RBMS3: variants seen among roughly 807,000 people sequenced by gnomAD.
The protein encoded by RBMS3 is RNA-binding motif, single-stranded-interacting protein 3.
Under a neutral mutation model 66.8 loss-of-function variants are expected in RBMS3, and 27 were observed. That is an observed-to-expected ratio of 0.40 (90% CI 0.30 to 0.56). The LOEUF is 0.56. RBMS3 is among the 20% of genes least tolerant of loss of function. RBMS3 has a pLI of 0.40. For synonymous variants in RBMS3, 188 were observed against 183.0 expected, an observed-to-expected ratio of 1.03 and a Z score of -0.22; for missense variants, 513 against 549.5, an observed-to-expected ratio of 0.93 and a Z score of 0.66.
chr3:29,656,521 A>G (rs141838976), intron 4 of RBMS3, among the ~76,000 whole-genome samples: 1 of 152,212 alleles, frequency 6.6e-6, no homozygotes, highest in Admixed American at 6.5e-5. Context: ...TTACCTAATG[A>G]TGCATGTGTT....
intron 6 of RBMS3, among the ~76,000 whole-genome samples, chr3:29,789,300 T>A (rs2056925457): frequency 6.6e-6 from 1 of 152,108 alleles, no homozygotes. Flanking sequence ...ATAATGCCCA[T>A]ACTGAGAATA....
intron 1 of RBMS3, among the ~76,000 whole-genome samples, chr3:29,409,927 T>C (rs2040192544): frequency 1.3e-5 from 2 of 152,154 alleles, no homozygotes; most frequent in African/African-American, 4.8e-5. Flanking sequence ...TGTTATTGGA[T>C]TGCAGAAAAG....
intron 3 of RBMS3, among the ~76,000 whole-genome samples, chr3:29,547,708 T>A (rs1257681805): frequency 6.6e-6 from 1 of 152,128 alleles, no homozygotes; most frequent in Non-Finnish European, 1.5e-5. Context: ...ACTTTTCATT[T>A]CTTAGTCCAA....
intron 1 of RBMS3, among the ~76,000 whole-genome samples, chr3:29,358,664 C>A (rs868106498): frequency 6.6e-6 from 1 of 152,272 alleles, no homozygotes; most frequent in African/African-American, 2.4e-5. Context: ...GATATTGATT[C>A]TTCCTATCCA....
chr3:29,696,898 A>T, intron 4 of RBMS3: 1 of 938,736 alleles, frequency 1.1e-6, no homozygotes, highest in Non-Finnish European at 1.3e-6. Context: ...TTATACACCA[A>T]CCCCTGATTG....
At chr3:29,784,844 G>A (rs2056766002) in intron 6 of RBMS3, among the ~76,000 whole-genome samples, 3 of 151,896 alleles carry the variant, frequency 2.0e-5, no homozygotes, top group African/African-American at 7.3e-5. Context: ...GAAACAAAAT[G>A]GGAGATATTA....
intron 4 of RBMS3, among the ~76,000 whole-genome samples, chr3:29,700,154 T>C (rs2052490670): frequency 6.6e-6 from 1 of 152,236 alleles, no homozygotes; most frequent in Non-Finnish European, 1.5e-5. Context: ...TCCTTTTTTC[T>C]GAATCCTTTG....
At chr3:29,914,147 T>C (rs990488563) in intron 10 of RBMS3, among the ~76,000 whole-genome samples, 9 of 151,910 alleles carry the variant, frequency 5.9e-5, no homozygotes. Context: ...GACTGAACAC[T>C]GTTGAGATTT....
chr3:29,423,927 G>A (rs747699933), intron 1 of RBMS3, among the ~76,000 whole-genome samples: 21 of 152,064 alleles, frequency 1.4e-4, no homozygotes, highest in Non-Finnish European at 2.8e-4. Flanking sequence ...TTGAAAAGTC[G>A]TTTAACCTCC....
chr3:29,647,829 AAGAGT>A (rs1427474331), intron 4 of RBMS3, among the ~76,000 whole-genome samples: 11 of 152,238 alleles, frequency 7.2e-5, no homozygotes, highest in Non-Finnish European at 7.3e-5. Context: ...AAAAGTTATT[AAGAGT>A]ATTTTTAAAA....
chr3:29,572,889 G>T (rs757137445), intron 3 of RBMS3, among the ~76,000 whole-genome samples: 1 of 151,972 alleles, frequency 6.6e-6, no homozygotes, highest in Non-Finnish European at 1.5e-5. Flanking sequence ...GAATCTGTTG[G>T]GTCCTGGGTT....
At chr3:29,912,390 T>C (rs571944577) in intron 10 of RBMS3, among the ~76,000 whole-genome samples, 18 of 152,196 alleles carry the variant, frequency 1.2e-4, no homozygotes, top group African/African-American at 4.3e-4. Context: ...ACCCAACTTA[T>C]TAGGGAAAAT....
chr3:29,405,183 G>A (rs1304849053), intron 1 of RBMS3, among the ~76,000 whole-genome samples: 1 of 152,104 alleles, frequency 6.6e-6, no homozygotes, highest in Non-Finnish European at 1.5e-5. Flanking sequence ...GTCAGGTGTT[G>A]TTCATGAATA....
At chr3:29,778,714 A>G (rs2056513152) in intron 6 of RBMS3, among the ~76,000 whole-genome samples, 1 of 151,788 alleles carries the variant, frequency 6.6e-6, no homozygotes, top group Admixed American at 6.6e-5. Flanking sequence ...TTGTTCCTCA[A>G]TTTCCCCTTT....
At chr3:29,617,760 T>C (rs1305835306) in intron 4 of RBMS3, among the ~76,000 whole-genome samples, 2 of 152,232 alleles carry the variant, frequency 1.3e-5, no homozygotes, top group African/African-American at 4.8e-5. Flanking sequence ...TCTAAACTCT[T>C]CCAGCTCTAA....
intron 14 of RBMS3, among the ~76,000 whole-genome samples, chr3:30,001,868 T>TA (rs1451164546): frequency 1.3e-5 from 2 of 151,686 alleles, no homozygotes; most frequent in Non-Finnish European, 2.9e-5. Context: ...GATCCCAGCC[T>TA]AAAAAAAATT....
At chr3:29,859,766 T>A (rs2059167307) in intron 6 of RBMS3, among the ~76,000 whole-genome samples, 1 of 152,214 alleles carries the variant, frequency 6.6e-6, no homozygotes, top group Admixed American at 6.5e-5. Flanking sequence ...CTCCAAAATA[T>A]AATAATTCTG....
chr3:29,841,943 T>G (rs1472841640), intron 6 of RBMS3, among the ~76,000 whole-genome samples: 2 of 152,076 alleles, frequency 1.3e-5, no homozygotes, highest in Admixed American at 1.3e-4. Flanking sequence ...GAGAAGACCT[T>G]AGTAATTACT....
chr3:29,950,426 C>CTAAT (rs1695606028), intron 12 of RBMS3, among the ~76,000 whole-genome samples: 1 of 151,840 alleles, frequency 6.6e-6, no homozygotes. Context: ...TTAAAGTAAG[C>CTAAT]TAATTGCGTG....
Sources: gnomAD v4.1 joint callset for allele counts (sites outside exome capture counted in the v4.1 genomes callset) on GRCh38, gnomAD v4.1.1 for gene constraint, MANE v1.5 for transcripts, NCBI Gene and HGNC (gene_info 2026-07-23, HGNC 2026-07-21) for gene names.